ZBTB20: variants seen among roughly 807,000 people sequenced by gnomAD.
ZBTB20 encodes zinc finger and BTB domain-containing protein 20.
ZBTB20 carries 9 observed loss-of-function variants against 56.9 expected under a neutral mutation model. The observed-to-expected ratio is 0.16, with a 90% CI of 0.10 to 0.28. The LOEUF (loss-of-function observed/expected upper bound fraction) is 0.28. ZBTB20 is among the 10% of genes least tolerant of loss of function. ZBTB20 has a pLI of 1.00. For synonymous variants in ZBTB20, 417 were observed against 420.7 expected (o/e 0.99, Z 0.11); for missense variants, 655 against 1,003.0 (o/e 0.65, Z 4.69).
At position 114,986,330 on chromosome 3, in the gene ZBTB20, G is replaced by A. The variant is rs370598627; in HGVS notation, c.-506-11914C>T. On this transcript the variant is annotated intron_variant, in intron 2 of 11. Transcript: ENST00000675478. Reference sequence around the variant, plus strand: ...TTTTATCCATCAGATTATTTATATCGTAATTCTACAATTATTTTTGAAAAG... The same window carrying A: ...TTTTATCCATCAGATTATTTATATCATAATTCTACAATTATTTTTGAAAAG... 4.6e-5 allele frequency among the ~76,000 whole-genome samples: 7 copies of A among 152,130 alleles called. No individual in the cohort carries two copies. In the East Asian group the frequency reaches 5.8e-4, roughly 13 times the overall value.
intron 8 of ZBTB20, among the ~76,000 whole-genome samples, chr3:114,384,122 C>CTCAT (rs1296854888): frequency 1.5e-4 from 22 of 146,978 alleles, no homozygotes; most frequent in African/African-American, 5.7e-4. Flanking sequence ...CTCTCTCTCT[C>CTCAT]TCTCTCATTC....
At chr3:114,932,126 C>T (rs777173935) in intron 3 of ZBTB20, among the ~76,000 whole-genome samples, 2 of 152,176 alleles carry the variant, frequency 1.3e-5, no homozygotes, top group Non-Finnish European at 2.9e-5. Context: ...GAAGCTGTTT[C>T]TGGGCAACTT....
At chr3:114,488,897 C>G (rs1227632323) in intron 7 of ZBTB20, among the ~76,000 whole-genome samples, 2 of 151,938 alleles carry the variant, frequency 1.3e-5, no homozygotes, top group African/African-American at 2.4e-5. Context: ...TAATGTAGAT[C>G]TATATTTATT....
At chr3:114,677,039 G>A (rs1027399078) in intron 6 of ZBTB20, among the ~76,000 whole-genome samples, 1 of 151,984 alleles carries the variant, frequency 6.6e-6, no homozygotes, top group African/African-American at 2.4e-5. Context: ...CCAAAGTGCT[G>A]GGATTACAGG....
chr3:114,507,192 G>C (rs937196141), intron 6 of ZBTB20, among the ~76,000 whole-genome samples: 1 of 152,078 alleles, frequency 6.6e-6, no homozygotes, highest in African/African-American at 2.4e-5. Context: ...ACTTTTTCGG[G>C]AACAAGTTTA....
At chr3:114,688,582 C>A (rs149590419) in intron 6 of ZBTB20, among the ~76,000 whole-genome samples, 135 of 152,172 alleles carry the variant, frequency 8.9e-4, no homozygotes, top group African/African-American at 3.2e-3. Context: ...ATTGTAATTA[C>A]CTCTTACAAA....
intron 6 of ZBTB20, among the ~76,000 whole-genome samples, chr3:114,606,067 T>C (rs1202388518): frequency 6.6e-6 from 1 of 152,174 alleles, no homozygotes; most frequent in African/African-American, 2.4e-5. Context: ...AGAACTGTAC[T>C]TATTGCACAT....
At chr3:115,113,564 TATGCAAGTGCAGAACA>T (rs1365834124) in intron 1 of ZBTB20, among the ~76,000 whole-genome samples, 3 of 152,208 alleles carry the variant, frequency 2.0e-5, no homozygotes, top group Admixed American at 6.5e-5. Context: ...CAACACTGGT[TATGCAAGTGCAGAACA>T]ATGCAAGTGC....
At chr3:114,640,112 C>T (rs2059479791) in intron 6 of ZBTB20, among the ~76,000 whole-genome samples, 1 of 151,848 alleles carries the variant, frequency 6.6e-6, no homozygotes, top group Non-Finnish European at 1.5e-5. Flanking sequence ...TCCCATTTGA[C>T]ATTTCAAATG....
intron 10 of ZBTB20, among the ~76,000 whole-genome samples, chr3:114,368,318 T>C (rs1394039902): frequency 2.6e-5 from 4 of 152,160 alleles, no homozygotes; most frequent in Non-Finnish European, 5.9e-5. Context: ...ATTTTCTGAA[T>C]ATTGGAAAAC....
rs1353709662 is a variant in ZBTB20, at chr3:115,088,434, A to G, written c.-702-17020T>C. Among the ~76,000 whole-genome samples the G allele has an allele frequency of 4.6e-5, 7 of 151,898 alleles. No homozygotes were observed. The East Asian group carries it at 1.4e-3, about 29-fold the overall frequency. On this transcript the variant is annotated intron_variant, in intron 1 of 11. Coordinates refer to ENST00000675478, the MANE Select transcript of ZBTB20 (RefSeq NM_001348800.3). ...TGTGGGTCTTCCTTTAAAAAAAATG[A>G]ACCTTTTAATACATAGAGAGGTGTT...
intron 2 of ZBTB20, among the ~76,000 whole-genome samples, chr3:115,064,125 C>A (rs574427680): frequency 6.6e-6 from 1 of 152,118 alleles, no homozygotes; most frequent in Non-Finnish European, 1.5e-5. Flanking sequence ...ACATCCCTTT[C>A]GGGAGTTCTC....
At chr3:114,855,067 C>T (rs992998211) in intron 4 of ZBTB20, among the ~76,000 whole-genome samples, 4 of 152,082 alleles carry the variant, frequency 2.6e-5, no homozygotes, top group Admixed American at 1.3e-4. Flanking sequence ...CATAATGCAT[C>T]GAATATTCTG....
At chr3:114,929,540 T>C (rs2076279853) in intron 3 of ZBTB20, among the ~76,000 whole-genome samples, 3 of 152,170 alleles carry the variant, frequency 2.0e-5, no homozygotes, top group South Asian at 4.1e-4. Flanking sequence ...CATGTCAATA[T>C]AAAAGGAAAT....
chr3:115,069,500 C>T (rs1464165457), intron 2 of ZBTB20, among the ~76,000 whole-genome samples: 3 of 152,068 alleles, frequency 2.0e-5, no homozygotes, highest in Non-Finnish European at 4.4e-5. Flanking sequence ...CTACACATAG[C>T]GCTTTTACTT....
intron 7 of ZBTB20, among the ~76,000 whole-genome samples, chr3:114,409,064 AG>A (rs754317913): frequency 1.3e-3 from 203 of 151,712 alleles, no homozygotes; most frequent in African/African-American, 3.3e-3. Flanking sequence ...CCAAAAAGGC[AG>A]AAAAGGTTGA....
intron 2 of ZBTB20, among the ~76,000 whole-genome samples, chr3:114,985,631 T>C (rs1461516266): frequency 6.6e-6 from 1 of 152,056 alleles, no homozygotes; most frequent in Non-Finnish European, 1.5e-5. Context: ...ACATACCCAA[T>C]TTGGGACCTT....
chr3:114,705,513 A>G (rs1435408564), intron 5 of ZBTB20, among the ~76,000 whole-genome samples: 2 of 152,192 alleles, frequency 1.3e-5, no homozygotes, highest in East Asian at 3.8e-4. Context: ...AGACCACAAG[A>G]AGGCAAAGGG....
At chr3:114,968,082 A>G (rs1206091771) in intron 3 of ZBTB20, among the ~76,000 whole-genome samples, 1 of 152,164 alleles carries the variant, frequency 6.6e-6, no homozygotes, top group Non-Finnish European at 1.5e-5. Context: ...CTATGCATAA[A>G]CACATTTGAA....
Sources: gnomAD v4.1 joint callset for allele counts (sites outside exome capture counted in the v4.1 genomes callset) on GRCh38, gnomAD v4.1.1 for gene constraint, MANE v1.5 for transcripts, NCBI Gene and HGNC (gene_info 2026-07-23, HGNC 2026-07-21) for gene names.